Variants in PTPRN2 observed in about 807,000 individuals in gnomAD.
PTPRN2 encodes the protein protein tyrosine phosphatase receptor type N2, also known as receptor-type tyrosine-protein phosphatase N2.
Under a neutral mutation model 118.8 loss-of-function variants are expected in PTPRN2, and 74 were observed. That is an observed-to-expected ratio of 0.62 (90% CI 0.52 to 0.76). The LOEUF (loss-of-function observed/expected upper bound fraction) is 0.76, where lower values mean the gene tolerates loss of function less well. Among genes scored for constraint, PTPRN2 ranks in the 30% least tolerant of loss-of-function variants. PTPRN2 has a pLI of 0.00. For synonymous variants in PTPRN2, 641 were observed against 608.0 expected (o/e 1.05, Z -0.80); for missense variants, 1,481 against 1,394.4 (o/e 1.06, Z -0.99).
At chr7:158,140,753 G>A (rs557111436) in intron 6 of PTPRN2, among the ~76,000 whole-genome samples, 6 of 152,310 alleles carry the variant, frequency 3.9e-5, no homozygotes, top group South Asian at 2.1e-4. Flanking sequence ...GCCCACATGC[G>A]TCCAACGCGT....
At chr7:158,436,327 G>A (rs777051615) in intron 2 of PTPRN2, among the ~76,000 whole-genome samples, 42 of 152,212 alleles carry the variant, frequency 2.8e-4, no homozygotes, top group Non-Finnish European at 4.8e-4. Context: ...TGTTGATGGA[G>A]TCTCTCGAGT....
intron 5 of PTPRN2, among the ~76,000 whole-genome samples, chr7:158,171,294 C>CAT (rs771143653): frequency 0.1 from 6,208 of 61,920 alleles, 712 homozygotes; most frequent in African/African-American, 0.17. Flanking sequence ...TATATACACA[C>CAT]ATATATATAC....
rs139388840 is a variant in PTPRN2 at position 157,871,340 on chromosome 7, C to A, written c.1788+27333G>T. 2.8e-3 allele frequency among the ~76,000 whole-genome samples: 430 copies of A among 152,296 alleles called. 2 individuals are homozygous for A. The highest frequency in any genetic ancestry group is 9.8e-3 in the African/African-American group (409 of 41,566). On this transcript the variant is annotated intron_variant, in intron 12 of 22. Transcript: ENST00000389418. ...GTGTTTACAAGCCCTGCAGGTGATT[C>A]TGATGCAGGCTGACATATGAGAACT...
At chr7:158,202,787 G>A (rs76452490) in intron 4 of PTPRN2, among the ~76,000 whole-genome samples, 2 of 152,158 alleles carry the variant, frequency 1.3e-5, no homozygotes, top group Non-Finnish European at 2.9e-5. Context: ...TGCCATCTAC[G>A]TTCCAGGCTG....
rs1422546853 is a variant in PTPRN2, at chr7:157,990,286, G to A, written c.1723+91012C>T. Among the ~76,000 whole-genome samples the A allele has an allele frequency of 2.0e-5, 3 of 152,102 alleles. No homozygotes were observed. The South Asian group carries it at 6.2e-4, about 32-fold the overall frequency. ...TAAGCAGGATCCAGGGTCGTGTAGC[G>A]ACACAGCTTCCCAAGCAGGCGAGTG... On this transcript the variant is annotated intron_variant, in intron 11 of 22. Transcript: ENST00000389418. This position sits in a 1 kb window ranked among gnomAD's most constrained non-coding sequence, Gnocchi z 4.3.
chr7:158,118,741 G>A (rs191276510), intron 9 of PTPRN2, among the ~76,000 whole-genome samples: 8 of 151,792 alleles, frequency 5.3e-5, no homozygotes, highest in East Asian at 3.9e-4. Flanking sequence ...TTTTTTTGTC[G>A]CCCAGGCTGG....
intron 2 of PTPRN2, among the ~76,000 whole-genome samples, chr7:158,336,685 A>T (rs1270245154): frequency 8.2e-6 from 1 of 121,868 alleles, no homozygotes; most frequent in African/African-American, 2.9e-5. Flanking sequence ...ATAAGAGCTG[A>T]CGCCCGCAGA....
intron 9 of PTPRN2, among the ~76,000 whole-genome samples, chr7:158,111,130 T>G (rs181780939): frequency 1.1e-3 from 167 of 152,278 alleles, no homozygotes; most frequent in African/African-American, 3.7e-3. Flanking sequence ...GAATCGCAAG[T>G]GGCCCACCGT....
chr7:157,622,027 G>A lies in PTPRN2; in HGVS notation c.2197-518C>T, dbSNP rs78925109. Among the ~76,000 whole-genome samples the A allele has an allele frequency of 0.023, 3,558 of 152,012 alleles. 147 individuals are homozygous for A. The highest frequency in any genetic ancestry group is 0.081 in the African/African-American group (3,337 of 41,440). On this transcript the variant is annotated intron_variant, in intron 14 of 22. Coordinates refer to ENST00000389418, the MANE Select transcript of PTPRN2 (RefSeq NM_002847.5). The surrounding 1 kb of genome is among the most constrained non-coding windows in gnomAD (Gnocchi z 5.3). ...AAATATTTTAACCCTTGGCTGTTTC[G>A]ATCTTAATTTTTCTGGTGCTTGTCG... is the stretch of plus-strand genomic sequence containing the variant.
chr7:157,770,739 A>T (rs1802751742), intron 12 of PTPRN2, among the ~76,000 whole-genome samples: 4 of 152,152 alleles, frequency 2.6e-5, no homozygotes. Context: ...CCAGCTCCAG[A>T]CACAGCAAGG....
chr7:157,793,966 C>G (rs1315808957), intron 12 of PTPRN2, among the ~76,000 whole-genome samples: 1 of 152,144 alleles, frequency 6.6e-6, no homozygotes, highest in Non-Finnish European at 1.5e-5. Context: ...GTTTCTGAGG[C>G]CACGCTGAGG....
intron 12 of PTPRN2, among the ~76,000 whole-genome samples, chr7:157,695,241 T>C (rs922374170): frequency 1.3e-5 from 2 of 152,096 alleles, no homozygotes; most frequent in African/African-American, 2.4e-5. Flanking sequence ...AAGACTGTTA[T>C]GGGAAACATG....
intron 2 of PTPRN2, among the ~76,000 whole-genome samples, chr7:158,387,603 G>GCGGCATACCTGT (rs1563230432): frequency 1.1e-3 from 1 of 870 alleles, no homozygotes; most frequent in Non-Finnish European, 3.8e-3. Context: ...GCCCGGGGAT[G>GCGGCATACCTGT]CAGCTGAAGG....
Position 158,316,798 on chromosome 7 carries a change from C to A in PTPRN2, c.277+21G>T. On this transcript the variant is annotated intron_variant, in intron 3 of 22. Coordinates refer to ENST00000389418, the MANE Select transcript of PTPRN2 (RefSeq NM_002847.5). ...TCGCTCAGTGCGGCAGCCGCCGAGC[C>A]TCGGCCCACGCCCGCCCTACCTGTG... is the stretch of plus-strand genomic sequence containing the variant. 4 of 1,570,214 alleles carry A rather than the reference C, an allele frequency of 2.5e-6. No individual in the cohort carries two copies. The South Asian group carries it at 3.4e-5, about 14-fold the overall frequency.
At chr7:158,549,596 G>C (rs560824752) in intron 1 of PTPRN2, among the ~76,000 whole-genome samples, 2 of 152,276 alleles carry the variant, frequency 1.3e-5, no homozygotes, top group Non-Finnish European at 2.9e-5. Flanking sequence ...CTGAGCGCTC[G>C]CTAGGGTGGA....
At chr7:158,262,114 G>T (rs1179419770) in intron 3 of PTPRN2, among the ~76,000 whole-genome samples, 1 of 152,138 alleles carries the variant, frequency 6.6e-6, no homozygotes, top group African/African-American at 2.4e-5. Context: ...GATGTTAAGG[G>T]TCACACCCTC....
At chr7:158,193,089 G>A (rs1053241019) in intron 4 of PTPRN2, among the ~76,000 whole-genome samples, 5 of 152,340 alleles carry the variant, frequency 3.3e-5, no homozygotes, top group Admixed American at 1.3e-4. Context: ...AGTGATTCAC[G>A]CACCGCCATC....
intron 14 of PTPRN2, among the ~76,000 whole-genome samples, chr7:157,640,004 C>G (rs1804576722): frequency 6.6e-6 from 1 of 152,142 alleles, no homozygotes; most frequent in Non-Finnish European, 1.5e-5. Flanking sequence ...CAGAACAGGG[C>G]CATACAAAAC....
intron 15 of PTPRN2, chr7:157,614,214 G>T (rs943251821): frequency 2.3e-6 from 1 of 431,840 alleles, no homozygotes; most frequent in Non-Finnish European, 4.8e-6. Context: ...GAAGTCTGTG[G>T]CCCGTGGCAA....
Sources: gnomAD v4.1 joint callset for allele counts (sites outside exome capture counted in the v4.1 genomes callset) on GRCh38, gnomAD v4.1.1 for gene constraint, Gnocchi (gnomAD v3.1) non-coding constraint, MANE v1.5 for transcripts, NCBI Gene and HGNC (gene_info 2026-07-23, HGNC 2026-07-21) for gene names.